THOP1: variants seen among roughly 807,000 people sequenced by gnomAD.
THOP1 encodes the protein thimet oligopeptidase.
A neutral mutation model predicts 71.8 loss-of-function variants in THOP1; 49 were observed. The observed-to-expected ratio is 0.68, with a 90% CI of 0.54 to 0.87. The LOEUF is 0.87. Among genes scored for constraint, THOP1 ranks in the 40% least tolerant of loss-of-function variants. The pLI is 0.00. For synonymous variants in THOP1, 426 were observed against 421.5 expected (o/e 1.01, Z -0.13); for missense variants, 843 against 975.6 (o/e 0.86, Z 1.81).
intron 2 of THOP1, among the ~76,000 whole-genome samples, chr19:2,792,993 T>A (rs1200821835): frequency 6.6e-6 from 1 of 152,022 alleles, no homozygotes; most frequent in African/African-American, 2.4e-5. Context: ...CTGACCAACA[T>A]CCAGAAACCC....
intron 4 of THOP1, among the ~76,000 whole-genome samples, 160 bp downstream of exon 4, chr19:2,796,348 G>C (rs576682223): frequency 1.4e-5 from 2 of 147,858 alleles, no homozygotes; most frequent in African/African-American, 5.0e-5. Context: ...AGTGCTTGGG[G>C]CATCAGGAGT....
intron 1 of THOP1, among the ~76,000 whole-genome samples, chr19:2,789,681 C>T (rs1599517970): frequency 6.6e-6 from 1 of 152,178 alleles, no homozygotes; most frequent in Admixed American, 6.5e-5. Context: ...TCCTGGACTT[C>T]CCCTTTTGTG....
chr19:2,794,274 C>T (rs1277772039), intron 2 of THOP1, among the ~76,000 whole-genome samples: 4 of 152,106 alleles, frequency 2.6e-5, no homozygotes, highest in Admixed American at 1.3e-4. Flanking sequence ...CTCGGCCTCC[C>T]AAAGGGCTGG....
chr19:2,800,590 C>A (rs1249028984), intron 5 of THOP1, among the ~76,000 whole-genome samples: 1 of 152,236 alleles, frequency 6.6e-6, no homozygotes, highest in African/African-American at 2.4e-5. Context: ...TGGCCGGAGG[C>A]CTCCGCAGGT....
chr19:2,813,104 C>G lies in THOP1; in HGVS notation c.1909-11C>G. ...TCCCCACCCGGCCACAGTGCCCTGTCTCCTCGGCAGGTTGGCATGGATTAC... is the reference window on the plus strand; with the variant it reads ...TCCCCACCCGGCCACAGTGCCCTGTGTCCTCGGCAGGTTGGCATGGATTAC... On this transcript the variant is annotated splice_polypyrimidine_tract_variant and intron_variant, in intron 12 of 12. Transcript: ENST00000307741. 1 of 1,604,304 alleles carries G rather than the reference C, an allele frequency of 6.2e-7. No homozygotes were observed. The highest frequency in any genetic ancestry group is 8.5e-7 in the Non-Finnish European group (1 of 1,174,950).
chr19:2,785,621 G>T lies in THOP1; in HGVS notation c.-42G>T, dbSNP rs544633003. The T allele has an allele frequency of 1.1e-5, 17 of 1,506,306 alleles. No individual in the cohort carries two copies. The highest frequency in any genetic ancestry group is 1.4e-5 in the Non-Finnish European group (16 of 1,128,990). The allele number at this position is 1,506,306 out of a possible 1,614,324, so 93.3% of individuals were successfully genotyped here. A position where few individuals can be genotyped will look rare whatever the true frequency, so the allele number is the denominator to read the frequency against. ...GGCCGAGGTGGCTGGACGCGTAGCA[G>T]GTGGAAGGAGGGAGGGAGCCGCAGG... On this transcript the variant is annotated 5_prime_UTR_variant, in exon 1 of 13. In the 5' UTR this introduces an upstream ATG that the reference lacks. Coordinates refer to ENST00000307741, the MANE Select transcript of THOP1 (RefSeq NM_003249.5).
intron 1 of THOP1, among the ~76,000 whole-genome samples, chr19:2,788,846 T>G (rs552199225): frequency 6.6e-6 from 1 of 152,284 alleles, no homozygotes; most frequent in Non-Finnish European, 1.5e-5. Context: ...CTGCAACCTC[T>G]GGCTCCTGGG....
In THOP1 at chr19:2,801,992, C is replaced by T. The variant is rs570372401; in HGVS notation, c.589+2201C>T. On this transcript the variant is annotated intron_variant, in intron 5 of 12. Transcript: ENST00000307741. This position sits in a 1 kb window ranked among gnomAD's most constrained non-coding sequence, Gnocchi z 5.1. ...CACCATCTCCAACACCGCCATCTCC[C>T]GATACCCACATCTCCCAATACCCAC... Among the ~76,000 whole-genome samples the T allele has an allele frequency of 2.9e-4, 44 of 151,674 alleles. 1 individual carries two copies. Among genetic ancestry groups the T allele is most frequent in the Non-Finnish European group, 4.4e-4 (30 of 67,864 alleles).
chr19:2,789,627 C>T (rs1367818250), intron 1 of THOP1, among the ~76,000 whole-genome samples: 1 of 152,228 alleles, frequency 6.6e-6, no homozygotes, highest in Admixed American at 6.5e-5. Flanking sequence ...CGATACCTCA[C>T]CTTTCCCCTC....
rs1042570276 is a variant in THOP1 at position 2,805,331 on chromosome 19, G to A, written c.750+155G>A. On this transcript the variant is annotated intron_variant, in intron 6 of 12. Coordinates refer to ENST00000307741, the MANE Select transcript of THOP1 (RefSeq NM_003249.5). This position sits in a 1 kb window ranked among gnomAD's most constrained non-coding sequence, Gnocchi z 6.6. The stretch of plus-strand genomic sequence containing the variant: ...GTGGCCAGCAGAGGCCTCCCTGTGG[G>A]GCTCTGCCGTGCCCTGGAGGTGTCT... Among the ~76,000 whole-genome samples the A allele has an allele frequency of 6.6e-5, 10 of 152,188 alleles. No individual in the cohort carries two copies. The highest frequency in any genetic ancestry group is 2.2e-4 in the African/African-American group (9 of 41,444).
intron 7 of THOP1, 66 bp downstream of exon 7, chr19:2,807,118 C>T: frequency 2.6e-6 from 4 of 1,517,270 alleles, no homozygotes; most frequent in Non-Finnish European, 3.5e-6. Context: ...CCCCAGGGGA[C>T]AGTCGGTGCT....
chr19:2,806,549 G>T, intron 6 of THOP1: 1 of 298,570 alleles, frequency 3.3e-6, no homozygotes, highest in Non-Finnish European at 6.3e-6. Flanking sequence ...GAGGCTGTGT[G>T]CATGTCATTT....
chr19:2,804,137 CTT>C lies in THOP1; in HGVS notation c.590-877_590-876del, dbSNP rs1317610642. Among the ~76,000 whole-genome samples, 1 of 152,220 alleles carries C rather than the reference CTT, an allele frequency of 6.6e-6. No individual in the cohort carries two copies. The highest frequency in any genetic ancestry group is 1.9e-4 in the East Asian group (1 of 5,190). ...CGCCCTGGGGTTGAGGTGAACCAGT[CTT>C]TGCATTGAAGCTGCAAGCCTGAGGC... On this transcript the variant is annotated intron_variant, in intron 5 of 12. Coordinates refer to ENST00000307741, the MANE Select transcript of THOP1 (RefSeq NM_003249.5). The surrounding 1 kb of genome is among the most constrained non-coding windows in gnomAD (Gnocchi z 4.7).
At position 2,810,441 on chromosome 19, in the gene THOP1, G is replaced by GC. The variant is rs943698612; in HGVS notation, c.1597dup (p.Arg533ProfsTer9). Reference sequence around the variant, plus strand: ...GGCACTACCGCACAGGCAGCGCCGTGCCCCGGGAGCTCCTGGAGAAGCTCA... The same window carrying GC: ...GGCACTACCGCACAGGCAGCGCCGTGCCCCCGGGAGCTCCTGGAGAAGCTCA... On this transcript the variant is annotated frameshift_variant, in exon 10 of 13. Transcript: ENST00000307741. LOFTEE classifies it high-confidence loss of function. 6.3e-7 allele frequency: 1 copy of GC among 1,589,902 alleles called. No individual in the cohort carries two copies.
intron 4 of THOP1, among the ~76,000 whole-genome samples, chr19:2,799,010 G>T (rs988333344): frequency 6.6e-6 from 1 of 152,220 alleles, no homozygotes; most frequent in Non-Finnish European, 1.5e-5. Context: ...TCTAAAACCA[G>T]CTTTACCAGA....
Position 2,804,981 on chromosome 19 carries a change from G to A in THOP1, c.590-35G>A, listed in dbSNP as rs1916254149. On this transcript the variant is annotated intron_variant, in intron 5 of 12. Coordinates refer to ENST00000307741, the MANE Select transcript of THOP1 (RefSeq NM_003249.5). This position sits in a 1 kb window ranked among gnomAD's most constrained non-coding sequence, Gnocchi z 4.7. ...CTGTGTGCAGGCTGTGGGCCCATCA[G>A]TCCTGTCAAAGCCACCCTGGTTCTG... 1 of 1,596,184 alleles carries A rather than the reference G, an allele frequency of 6.3e-7. No individual in the cohort carries two copies. The highest frequency in any genetic ancestry group is 1.1e-5 in the South Asian group (1 of 88,408).
At chr19:2,811,521 C>G in intron 11 of THOP1, 77 bp from the exon 12 acceptor site, 2 of 1,542,360 alleles carry the variant, frequency 1.3e-6, no homozygotes, top group South Asian at 1.2e-5. Flanking sequence ...TCTCAGGAGT[C>G]TGGCTGGTTG....
In THOP1 at chr19:2,813,333, G is replaced by GC; in HGVS notation, c.*62dup. The GC allele has an allele frequency of 1.3e-6, 2 of 1,518,390 alleles. No homozygotes were observed. Among genetic ancestry groups the GC allele is most frequent in the Non-Finnish European group, 1.8e-6 (2 of 1,132,424 alleles). 94.1% of individuals were successfully genotyped at this position (1,518,390 alleles called of 1,614,324 possible). On this transcript the variant is annotated 3_prime_UTR_variant, in exon 13 of 13. Coordinates refer to ENST00000307741, the MANE Select transcript of THOP1 (RefSeq NM_003249.5). ...GCGCTCCCGCCGCCCTGGTGCCTTAGCCCCCGGCACAGGATGGGGCAGGCT... is the reference window on the plus strand; with the variant it reads ...GCGCTCCCGCCGCCCTGGTGCCTTAGCCCCCCGGCACAGGATGGGGCAGGCT...
At chr19:2,791,778 A>G (rs563579406) in intron 2 of THOP1, among the ~76,000 whole-genome samples, 5 of 151,498 alleles carry the variant, frequency 3.3e-5, no homozygotes, top group South Asian at 2.1e-4. Flanking sequence ...CCTCCTTCAC[A>G]TGGTGGCGAG....
Sources: allele counts gnomAD v4.1 joint callset (sites outside exome capture counted in the v4.1 genomes callset), GRCh38; gene constraint gnomAD v4.1.1; non-coding constraint Gnocchi (gnomAD v3.1); transcripts MANE v1.5; gene names NCBI Gene and HGNC (gene_info 2026-07-23, HGNC 2026-07-21).